Variants in PARD3B observed in about 807,000 individuals in gnomAD.
The protein encoded by PARD3B is par-3 family cell polarity regulator beta, also known as partitioning defective 3 homolog B.
Under a neutral mutation model 130.2 loss-of-function variants are expected in PARD3B, and 103 were observed. The observed-to-expected ratio is 0.79, with a 90% CI of 0.67 to 0.93. The LOEUF is 0.93. Ranked by LOEUF, PARD3B falls within the 40% of genes least tolerant of loss-of-function variation. PARD3B has a pLI of 0.00. For missense variants in PARD3B, 1,609 were observed against 1,499.2 expected, an observed-to-expected ratio of 1.07 and a Z score of -1.21; for synonymous variants, 583 against 553.2, an observed-to-expected ratio of 1.05 and a Z score of -0.76.
Position 205,611,417 on chromosome 2 carries a change from C to A in PARD3B, c.3261-4039C>A, listed in dbSNP as rs528996206. 3.6e-4 allele frequency among the ~76,000 whole-genome samples: 55 copies of A among 152,298 alleles called. No individual in the cohort carries two copies. In the Middle Eastern group the frequency reaches 0.01, roughly 28 times the overall value. ...AGCTTAGTCTCTGATTTCCAGCCCCCCTTTTGCTTAATGAAAAATACTGAC... is the reference window on the plus strand; with the variant it reads ...AGCTTAGTCTCTGATTTCCAGCCCCACTTTTGCTTAATGAAAAATACTGAC... On this transcript the variant is annotated intron_variant, in intron 22 of 22. Coordinates refer to ENST00000406610, the MANE Select transcript of PARD3B (RefSeq NM_001302769.2).
intron 2 of PARD3B, among the ~76,000 whole-genome samples, chr2:204,822,440 G>C (rs1559172917): frequency 6.6e-6 from 1 of 152,170 alleles, no homozygotes; most frequent in African/African-American, 2.4e-5. Context: ...TTCATAAACT[G>C]AGTTTAGCTT....
rs1339099893 is a variant in PARD3B, at chr2:205,268,789, G to GT, written c.2185+22971dup. ...TTTGGGGAAAATATTGAAATGCATGGTTTTAAGTGATGCTGGCTAGAATAA... is the reference window on the plus strand; with the variant it reads ...TTTGGGGAAAATATTGAAATGCATGGTTTTTAAGTGATGCTGGCTAGAATAA... On this transcript the variant is annotated intron_variant, in intron 16 of 22. Coordinates refer to ENST00000406610, the MANE Select transcript of PARD3B (RefSeq NM_001302769.2). The surrounding 1 kb of genome is among the most constrained non-coding windows in gnomAD (Gnocchi z 4.1). Among the ~76,000 whole-genome samples, 3 of 152,122 alleles carry GT rather than the reference G, an allele frequency of 2.0e-5. No homozygotes were observed. The East Asian group carries it at 5.8e-4, about 29-fold the overall frequency.
intron 3 of PARD3B, among the ~76,000 whole-genome samples, chr2:205,003,077 G>A (rs916337554): frequency 6.6e-6 from 1 of 152,210 alleles, no homozygotes; most frequent in Non-Finnish European, 1.5e-5. Context: ...TTTTTCCAGT[G>A]TGTAGAGACC....
At chr2:204,779,358 A>G (rs1471568081) in intron 2 of PARD3B, among the ~76,000 whole-genome samples, 4 of 152,164 alleles carry the variant, frequency 2.6e-5, no homozygotes, top group African/African-American at 9.7e-5. Flanking sequence ...TTTGGGGCAG[A>G]TGAATAGTGG....
intron 2 of PARD3B, among the ~76,000 whole-genome samples, chr2:204,933,227 T>C (rs1175717858): frequency 1.3e-5 from 2 of 152,194 alleles, no homozygotes; most frequent in Non-Finnish European, 2.9e-5. Context: ...AAGCTTTAGA[T>C]AAATGAAAGC....
intron 2 of PARD3B, among the ~76,000 whole-genome samples, chr2:204,739,193 T>A (rs2039889233): frequency 1.3e-5 from 2 of 152,202 alleles, no homozygotes; most frequent in South Asian, 4.1e-4. Context: ...CTTATTTAAA[T>A]GTGTGTGTTG....
At chr2:204,727,177 C>CT (rs1264296415) in intron 2 of PARD3B, among the ~76,000 whole-genome samples, 3 of 152,126 alleles carry the variant, frequency 2.0e-5, no homozygotes, top group Non-Finnish European at 4.4e-5. Context: ...ACTTAGCCTG[C>CT]TAGGTAACAC....
chr2:204,605,983 C>T (rs1049225052), intron 1 of PARD3B, among the ~76,000 whole-genome samples: 2 of 152,126 alleles, frequency 1.3e-5, no homozygotes, highest in African/African-American at 2.4e-5. Flanking sequence ...TCCCTTTACT[C>T]GTGCTATTGC....
Position 204,707,367 on chromosome 2 carries a change from T to C in PARD3B, c.222+21085T>C, listed in dbSNP as rs566122710. Among the ~76,000 whole-genome samples, 18 of 152,352 alleles carry C rather than the reference T, an allele frequency of 1.2e-4. No individual in the cohort carries two copies. In the East Asian group the frequency reaches 3.3e-3, roughly 28 times the overall value. ...GTTAAGCAAGATATGGAGTTGCTGA[T>C]GTTTTTAGGACAGTTTTTTGACGAA... On this transcript the variant is annotated intron_variant, in intron 2 of 22. Coordinates refer to ENST00000406610, the MANE Select transcript of PARD3B (RefSeq NM_001302769.2).
rs74467688 is a variant in PARD3B, at chr2:205,397,336, A to G, written c.2631-3677A>G. Reference sequence around the variant, plus strand: ...TCATGAACTTTAAATCAAAGCATTTATAATATTTGTAGAATTGCTTGATTT... The same window carrying G: ...TCATGAACTTTAAATCAAAGCATTTGTAATATTTGTAGAATTGCTTGATTT... On this transcript the variant is annotated intron_variant, in intron 18 of 22. Transcript: ENST00000406610. The surrounding 1 kb of genome is among the most constrained non-coding windows in gnomAD (Gnocchi z 4.8). 0.027 allele frequency among the ~76,000 whole-genome samples: 4,065 copies of G among 152,304 alleles called. 170 individuals are homozygous for G. The highest frequency in any genetic ancestry group is 0.093 in the African/African-American group (3,869 of 41,536).
intron 1 of PARD3B, among the ~76,000 whole-genome samples, chr2:204,585,400 A>G (rs559220133): frequency 6.6e-6 from 1 of 151,976 alleles, no homozygotes; most frequent in Non-Finnish European, 1.5e-5. Flanking sequence ...TGGTGCAATC[A>G]TAGCTCACTG....
chr2:205,434,467 G>A (rs903220454), intron 19 of PARD3B, among the ~76,000 whole-genome samples: 2 of 152,018 alleles, frequency 1.3e-5, no homozygotes, highest in African/African-American at 2.4e-5. Context: ...GGAAGCAGAA[G>A]GTCTAGAAAA....
intron 4 of PARD3B, among the ~76,000 whole-genome samples, chr2:205,050,138 A>G (rs1567502): frequency 0.99 from 148,586 of 150,558 alleles, 73,335 homozygotes; most frequent in Middle Eastern, 1. Context: ...AAGAGTCCTA[A>G]AAGTTCTTAG....
At position 204,875,498 on chromosome 2, in the gene PARD3B, T is replaced by C. The variant is rs6715583; in HGVS notation, c.223-89654T>C. On this transcript the variant is annotated intron_variant, in intron 2 of 22. Coordinates refer to ENST00000406610, the MANE Select transcript of PARD3B (RefSeq NM_001302769.2). ...TGATAAAATGCAGATTCTGATTAGG[T>C]GGGTCTGGGGTGGGTCTGAGATTCT... 8.2e-3 allele frequency among the ~76,000 whole-genome samples: 1,255 copies of C among 152,142 alleles called. 10 individuals carry two copies. The highest frequency in any genetic ancestry group is 0.028 in the African/African-American group (1,158 of 41,512).
At chr2:204,904,388 C>A (rs1376424620) in intron 2 of PARD3B, among the ~76,000 whole-genome samples, 2 of 152,168 alleles carry the variant, frequency 1.3e-5, no homozygotes. Flanking sequence ...TGTTAATAAT[C>A]TACTCCAGGT....
At chr2:205,206,829 A>G (rs927018320) in intron 15 of PARD3B, among the ~76,000 whole-genome samples, 3 of 151,574 alleles carry the variant, frequency 2.0e-5, no homozygotes, top group Admixed American at 2.0e-4. Context: ...GTCAACAAGG[A>G]TACCCAGGAA....
Position 205,093,344 on chromosome 2 carries a change from C to A in PARD3B, c.505-11082C>A, listed in dbSNP as rs532514234. On this transcript the variant is annotated intron_variant, in intron 4 of 22. Transcript: ENST00000406610. Reference sequence around the variant, plus strand: ...ATACCAAGATGGATGAGACTCATTCCCCACCTCAAAGCTCTCAGAACCAAG... The same window carrying A: ...ATACCAAGATGGATGAGACTCATTCACCACCTCAAAGCTCTCAGAACCAAG... Among the ~76,000 whole-genome samples, 4 of 152,102 alleles carry A rather than the reference C, an allele frequency of 2.6e-5. No homozygotes were observed. In the East Asian group the frequency reaches 7.7e-4, roughly 29 times the overall value.
At chr2:205,107,362 A>G (rs1559445002) in intron 5 of PARD3B, among the ~76,000 whole-genome samples, 2 of 152,204 alleles carry the variant, frequency 1.3e-5, no homozygotes, top group East Asian at 1.9e-4. Flanking sequence ...GCAATCTTGG[A>G]CTAATTACAT....
intron 2 of PARD3B, among the ~76,000 whole-genome samples, chr2:204,766,651 C>T (rs1431507181): frequency 1.3e-5 from 2 of 151,742 alleles, no homozygotes; most frequent in Non-Finnish European, 2.9e-5. Context: ...CATATTCATC[C>T]TCATAACAAT....
Sources: allele counts gnomAD v4.1 joint callset (sites outside exome capture counted in the v4.1 genomes callset), GRCh38; gene constraint gnomAD v4.1.1; non-coding constraint Gnocchi (gnomAD v3.1); transcripts MANE v1.5; gene names NCBI Gene and HGNC (gene_info 2026-07-23, HGNC 2026-07-21).